Variants in SV2C observed in about 807,000 individuals in gnomAD.
SV2C encodes synaptic vesicle glycoprotein 2C, also known as solute carrier family 22 member B3.
A neutral mutation model predicts 79.7 loss-of-function variants in SV2C; 49 were observed. The ratio of observed to expected loss-of-function variants is 0.61; its 90% CI spans 0.49 to 0.78. The LOEUF is 0.78. SV2C is among the 30% of genes least tolerant of loss of function. The pLI is 0.00. For synonymous variants in SV2C, 334 were observed against 333.2 expected, an observed-to-expected ratio of 1.00 and a Z score of -0.03; for missense variants, 833 against 912.9, an observed-to-expected ratio of 0.91 and a Z score of 1.13.
chr5:75,925,177 A>T, the SV2C span, among the ~76,000 whole-genome samples: 2 of 152,116 alleles, frequency 1.3e-5, no homozygotes, highest in Non-Finnish European at 2.9e-5. Context: ...TGGAGCTGGG[A>T]AGTTCTAAAA....
the SV2C span, among the ~76,000 whole-genome samples, chr5:75,963,883 C>T: frequency 6.5e-4 from 99 of 152,180 alleles, no homozygotes; most frequent in African/African-American, 2.1e-3. Flanking sequence ...TGTTCTACTT[C>T]ATAAAATTGG....
intron 2 of SV2C, chr5:76,173,480 A>G (rs1743396026): frequency 2.5e-6 from 2 of 815,458 alleles, no homozygotes; most frequent in Non-Finnish European, 4.4e-6. Context: ...GCAAACTGAT[A>G]TAGTAGCTTT....
chr5:76,321,424 G>A (rs928951293), intron 12 of SV2C, among the ~76,000 whole-genome samples: 5 of 152,074 alleles, frequency 3.3e-5, no homozygotes, highest in Non-Finnish European at 5.9e-5. Context: ...TGGTGTCAGT[G>A]GTGTATGCAG....
chr5:76,100,156 G>A (rs1554032776), intron 1 of SV2C, among the ~76,000 whole-genome samples: 1 of 152,200 alleles, frequency 6.6e-6, no homozygotes. Context: ...TTTAGTTCTG[G>A]TTTGTGTAAA....
intron 12 of SV2C, among the ~76,000 whole-genome samples, chr5:76,314,937 G>A (rs752903657): frequency 6.6e-6 from 1 of 152,136 alleles, no homozygotes; most frequent in Non-Finnish European, 1.5e-5. Context: ...CCCTAGCTAG[G>A]TTAATCAGAT....
At chr5:76,104,428 C>T (rs1337598386) in intron 1 of SV2C, among the ~76,000 whole-genome samples, 1 of 152,180 alleles carries the variant, frequency 6.6e-6, no homozygotes, top group Non-Finnish European at 1.5e-5. Context: ...GGCTGGAATG[C>T]AGTGGCTATT....
At chr5:76,168,641 C>A (rs895018004) in intron 2 of SV2C, among the ~76,000 whole-genome samples, 18 of 152,162 alleles carry the variant, frequency 1.2e-4, no homozygotes, top group African/African-American at 4.3e-4. Context: ...TTCACGATAG[C>A]CTGGAGTGAA....
intron 2 of SV2C, among the ~76,000 whole-genome samples, chr5:76,150,715 G>A (rs570845300): frequency 7.8e-6 from 1 of 128,296 alleles, no homozygotes; most frequent in South Asian, 2.6e-4. Flanking sequence ...ATGGCTCACT[G>A]CAGTTTCAAC....
At chr5:75,848,627 T>C in the SV2C span, among the ~76,000 whole-genome samples, 1 of 152,302 alleles carries the variant, frequency 6.6e-6, no homozygotes, top group Non-Finnish European at 1.5e-5. Context: ...AATAAAACAA[T>C]TGAACATGTT....
chr5:76,351,940 C>T lies in SV2C; in HGVS notation c.2001-1190C>T, dbSNP rs866183725. 1.6e-4 allele frequency among the ~76,000 whole-genome samples: 24 copies of T among 152,164 alleles called. 1 individual carries two copies. Among genetic ancestry groups the T allele is most frequent in the Admixed American group, 4.6e-4 (7 of 15,270 alleles). On this transcript the variant is annotated intron_variant, in intron 12 of 12. Coordinates refer to the SV2C transcript ENST00000322285. ...TTAAAAAAAAATCGGCTGCTGGACG[C>T]GGTGGCTCACGCCTGTAATCTCAAC... is the stretch of plus-strand genomic sequence containing the variant.
the SV2C span, among the ~76,000 whole-genome samples, chr5:76,013,384 C>G: frequency 6.6e-5 from 10 of 152,096 alleles, no homozygotes; most frequent in Non-Finnish European, 1.2e-4. Flanking sequence ...AATGGGAGTT[C>G]ACTCATAATT....
the SV2C span, among the ~76,000 whole-genome samples, chr5:76,030,711 G>C: frequency 1.3e-5 from 2 of 151,546 alleles, no homozygotes; most frequent in Non-Finnish European, 2.9e-5. Flanking sequence ...GCAGTGAGCT[G>C]AGATCGTGCC....
chr5:76,325,416 G>A lies in SV2C; in HGVS notation c.2053G>A (p.Gly685Arg). 5.0e-6 allele frequency: 8 copies of A among 1,614,156 alleles called. No homozygotes were observed. Among genetic ancestry groups the A allele is most frequent in the Non-Finnish European group, 6.8e-6 (8 of 1,180,042 alleles). The change falls in exon 13 of 13, where the codon GGA (glycine) becomes AGA (arginine). Residue 685 changes from glycine (G) to arginine (R), a missense_variant. Physicochemically the swap from Gly to Arg is moderately radical, Grantham distance 125. Transcript: ENST00000502798. The part of the protein sequence containing the change: ...NALCKAAAVL[G>R]NLIFGSLVSI... ...GCTATGCAAGGCAGCAGCCGTCCTG[G>A]GAAACTTAATATTTGGCTCTCTGGT...
the SV2C span, among the ~76,000 whole-genome samples, chr5:75,908,929 A>G: frequency 1.1e-4 from 17 of 152,318 alleles, no homozygotes; most frequent in African/African-American, 3.8e-4. Context: ...ATATTCAACA[A>G]TGTCATTCAG....
the SV2C span, among the ~76,000 whole-genome samples, chr5:75,889,653 C>T: frequency 6.6e-6 from 1 of 152,208 alleles, no homozygotes; most frequent in East Asian, 1.9e-4. Context: ...AATACAGTCG[C>T]ATTCTGAGGC....
At chr5:76,170,059 ATTTT>A (rs1248794195) in intron 2 of SV2C, among the ~76,000 whole-genome samples, 1 of 152,122 alleles carries the variant, frequency 6.6e-6, no homozygotes, top group Non-Finnish European at 1.5e-5. Flanking sequence ...ATCCTATTTT[ATTTT>A]TTTATTTTTA....
chr5:76,069,968 G>A, the SV2C span, among the ~76,000 whole-genome samples: 1 of 152,106 alleles, frequency 6.6e-6, no homozygotes, highest in African/African-American at 2.4e-5. Context: ...TTCCAGGTCT[G>A]TGCAGCCCCT....
chr5:76,216,217 C>G (rs1400245514), intron 4 of SV2C, among the ~76,000 whole-genome samples: 3 of 152,254 alleles, frequency 2.0e-5, no homozygotes, highest in African/African-American at 7.2e-5. Context: ...TCACTGCTAT[C>G]AGAGTTGAAA....
At chr5:76,029,505 A>G in the SV2C span, among the ~76,000 whole-genome samples, 1 of 152,066 alleles carries the variant, frequency 6.6e-6, no homozygotes, top group Non-Finnish European at 1.5e-5. Context: ...CAAACACCAC[A>G]GTGATTCCTC....
Sources: gnomAD v4.1 joint callset for allele counts (sites outside exome capture counted in the v4.1 genomes callset) on GRCh38, gnomAD v4.1.1 for gene constraint, MANE v1.5 for transcripts, NCBI Gene and HGNC (gene_info 2026-07-23, HGNC 2026-07-21) for gene names.